The following DEFB109B variants were observed in gnomAD, a reference collection of about 807,000 sequenced individuals.
DEFB109B encodes beta-defensin 109B.
chr8:7,319,671 C>A (rs1803192320), intron 1 of DEFB109B, 75 bp from the exon 2 acceptor site: 1 of 147,090 alleles, frequency 6.8e-6, no homozygotes, highest in South Asian at 2.1e-4. Context: ...TAAATTTATT[C>A]TGTTACTTAA....
rs1463583933 is a variant in DEFB109B at position 7,315,771 on chromosome 8, C to T, written n.58+2868C>T. ...ATCCGTTCTTTTTTCAGTAGGGCTT[C>T]ATTACTCTGAATTTAAGTTAATTAG... On this transcript the variant is annotated intron_variant and non_coding_transcript_variant, in intron 1 of 1. Transcript: ENST00000382656. Among the ~76,000 whole-genome samples, 3 of 144,700 alleles carry T rather than the reference C, an allele frequency of 2.1e-5. 1 individual carries two copies. The highest frequency in any genetic ancestry group is 8.7e-5 in the African/African-American group (3 of 34,674). The allele number at this position is 144,700 out of a possible 152,430, so 94.9% of individuals were successfully genotyped here.
At chr8:7,315,732 C>G (rs558347061) in intron 1 of DEFB109B, among the ~76,000 whole-genome samples, 2 of 140,870 alleles carry the variant, frequency 1.4e-5, no homozygotes, top group Non-Finnish European at 3.0e-5. Flanking sequence ...CAGGTACACA[C>G]AAAGCATGTG....
At chr8:7,317,390 G>A (rs1407197270) in intron 1 of DEFB109B, among the ~76,000 whole-genome samples, 1 of 147,584 alleles carries the variant, frequency 6.8e-6, no homozygotes, top group Non-Finnish European at 1.5e-5. Flanking sequence ...CCATCAGCTA[G>A]CCAATACAAA....
At chr8:7,316,848 G>C (rs1357281891) in intron 1 of DEFB109B, among the ~76,000 whole-genome samples, 3 of 128,410 alleles carry the variant, frequency 2.3e-5, no homozygotes, top group Non-Finnish European at 4.6e-5. Context: ...TCACCATCTT[G>C]GGCATGCTGT....
chr8:7,312,054 A>G (rs1479398938), upstream of DEFB109B, among the ~76,000 whole-genome samples: 1 of 121,160 alleles, frequency 8.3e-6, no homozygotes, highest in Non-Finnish European at 1.5e-5. Context: ...CAATAATCCA[A>G]AATAGGTAAT....
chr8:7,319,561 G>A (rs1803183766), intron 1 of DEFB109B, 185 bp from the exon 2 acceptor site: 1 of 136,034 alleles, frequency 7.4e-6, no homozygotes, highest in African/African-American at 3.5e-5. Context: ...TGACTGTTGG[G>A]CCAAACCAGG....
intron 1 of DEFB109B, among the ~76,000 whole-genome samples, chr8:7,315,609 G>A (rs1802866951): frequency 7.6e-6 from 1 of 131,828 alleles, no homozygotes; most frequent in Admixed American, 7.1e-5. Flanking sequence ...GGCCCCTACT[G>A]ATGCTAAACT....
At chr8:7,310,596 T>A (rs1306714943), upstream of DEFB109B, among the ~76,000 whole-genome samples, 1 of 142,052 alleles carries the variant, frequency 7.0e-6, no homozygotes, top group Non-Finnish European at 1.5e-5. Context: ...TGTGTGTGTG[T>A]GTGTGTGTGC....
At chr8:7,318,768 T>C (rs1803103826) in intron 1 of DEFB109B, 1 of 144,318 alleles carries the variant, frequency 6.9e-6, no homozygotes, top group African/African-American at 2.9e-5. Flanking sequence ...CCATCAGCTT[T>C]ACCATTAGAG....
chr8:7,315,745 G>A (rs1000704437), intron 1 of DEFB109B, among the ~76,000 whole-genome samples: 1 of 142,134 alleles, frequency 7.0e-6, no homozygotes, highest in African/African-American at 3.0e-5. Flanking sequence ...AGCATGTGTG[G>A]ATCCGTTCTT....
chr8:7,310,601 G>T (rs1802567533), upstream of DEFB109B, among the ~76,000 whole-genome samples: 1 of 142,508 alleles, frequency 7.0e-6, no homozygotes, highest in Non-Finnish European at 1.5e-5. Context: ...GTGTGTGTGT[G>T]TGTGCATGTG....
At chr8:7,309,726 A>G (rs2128804160), upstream of DEFB109B, among the ~76,000 whole-genome samples, 1 of 143,776 alleles carries the variant, frequency 7.0e-6, no homozygotes, top group East Asian at 2.0e-4. Flanking sequence ...TAAGTAGATC[A>G]GAAAATTTTC....
upstream of DEFB109B, among the ~76,000 whole-genome samples, chr8:7,312,097 G>GA (rs1352648703): frequency 9.9e-6 from 1 of 101,152 alleles, no homozygotes; most frequent in African/African-American, 7.9e-5. Flanking sequence ...ACTTGGGTGG[G>GA]GGGGGGGAAC....
intron 1 of DEFB109B, chr8:7,319,240 A>AC (rs1260060657): frequency 7.4e-6 from 1 of 135,320 alleles, no homozygotes; most frequent in East Asian, 2.0e-4. Context: ...GCCAACAAAA[A>AC]AAAAAAAAAA....
At chr8:7,313,553 A>G (rs1451593781) in intron 1 of DEFB109B, among the ~76,000 whole-genome samples, 1 of 143,674 alleles carries the variant, frequency 7.0e-6, no homozygotes. Flanking sequence ...ACTTCAGACA[A>G]GTGAATTAAT....
At chr8:7,314,992 C>T (rs1229352190) in intron 1 of DEFB109B, among the ~76,000 whole-genome samples, 4 of 5,148 alleles carry the variant, frequency 7.8e-4, no homozygotes, top group Non-Finnish European at 1.6e-3. Flanking sequence ...CCTCATCATG[C>T]CTCTCTTCTT....
intron 1 of DEFB109B, among the ~76,000 whole-genome samples, chr8:7,316,874 C>G (rs1456842557): frequency 7.8e-6 from 1 of 128,760 alleles, no homozygotes; most frequent in Non-Finnish European, 1.5e-5. Flanking sequence ...AACTCCTGAC[C>G]TCGTGATCCA....
chr8:7,312,158 G>C (rs1347369769), upstream of DEFB109B, among the ~76,000 whole-genome samples: 14 of 123,268 alleles, frequency 1.1e-4, no homozygotes, highest in Admixed American at 1.0e-3. Flanking sequence ...TATAGAATGT[G>C]CTTTAAAAGA....
At chr8:7,309,594 C>A (rs1332341528), upstream of DEFB109B, among the ~76,000 whole-genome samples, 1 of 148,030 alleles carries the variant, frequency 6.8e-6, no homozygotes, top group South Asian at 2.1e-4. Context: ...TGCAACAGAG[C>A]ATGCCCTTCT....
Sources: gnomAD v4.1 joint callset for allele counts (sites outside exome capture counted in the v4.1 genomes callset) on GRCh38, gnomAD v4.1.1 for gene constraint, MANE v1.5 for transcripts, NCBI Gene and HGNC (gene_info 2026-07-23, HGNC 2026-07-21) for gene names.